ACTR3C: variants seen among roughly 807,000 people sequenced by gnomAD.
The protein encoded by ACTR3C is actin-related protein 3C.
A neutral mutation model predicts 26.3 loss-of-function variants in ACTR3C; 18 were observed. The observed-to-expected ratio is 0.68, with a 90% CI of 0.47 to 1.01. The LOEUF (loss-of-function observed/expected upper bound fraction) is 1.01, where lower values mean the gene tolerates loss of function less well. Among genes scored for constraint, ACTR3C ranks in the 50% least tolerant of loss-of-function variants. The probability of loss-of-function intolerance (pLI) is 0.00; values close to 1 mark genes in which losing one functional copy is unlikely to be tolerated. For missense variants in ACTR3C, 184 were observed against 250.7 expected (o/e 0.73, Z 1.80); for synonymous variants, 55 against 94.5 (o/e 0.58, Z 2.42).
the ACTR3C span, among the ~76,000 whole-genome samples, chr7:149,924,070 G>C: frequency 0.45 from 68,300 of 150,668 alleles, 16,302 homozygotes; most frequent in Non-Finnish European, 0.53. Flanking sequence ...ATTAAACTCA[G>C]AACTTATAAA....
At chr7:150,247,715 TG>T (rs1255998589) in intron 7 of ACTR3C, 146 bp from the exon 8 acceptor site, 22 of 143,490 alleles carry the variant, frequency 1.5e-4, no homozygotes, top group Admixed American at 1.4e-3. Flanking sequence ...CGGGGCCTGG[TG>T]GGGGTGTTTA....
At chr7:150,163,786 G>A in the ACTR3C span, among the ~76,000 whole-genome samples, 2 of 152,080 alleles carry the variant, frequency 1.3e-5, no homozygotes, top group Non-Finnish European at 2.9e-5. Flanking sequence ...GCAGAAAGGG[G>A]TGAATTCTTT....
At chr7:150,014,687 C>T in the ACTR3C span, among the ~76,000 whole-genome samples, 6 of 152,102 alleles carry the variant, frequency 3.9e-5, no homozygotes, top group Non-Finnish European at 8.8e-5. Flanking sequence ...GGTCCACAGG[C>T]GGTTGTTACC....
At chr7:150,085,876 G>A in the ACTR3C span, among the ~76,000 whole-genome samples, 6 of 152,070 alleles carry the variant, frequency 3.9e-5, no homozygotes, top group African/African-American at 1.2e-4. Context: ...TGTGAAGGGA[G>A]GCTTTGTTTT....
At chr7:150,064,434 G>T in the ACTR3C span, among the ~76,000 whole-genome samples, 1 of 144,570 alleles carries the variant, frequency 6.9e-6, no homozygotes, top group East Asian at 2.0e-4. Context: ...GCGTGGTGGT[G>T]GGCACCTGTA....
chr7:149,968,208 C>A, the ACTR3C span, among the ~76,000 whole-genome samples: 20 of 152,190 alleles, frequency 1.3e-4, no homozygotes, highest in Non-Finnish European at 2.5e-4. Flanking sequence ...TCAGATGAGA[C>A]AACTTACTTT....
chr7:149,903,903 GGTT>G, the ACTR3C span, among the ~76,000 whole-genome samples: 3,606 of 49,600 alleles, frequency 0.073, 297 homozygotes, highest in African/African-American at 0.22. Context: ...TGTTGTTGCT[GGTT>G]GTTGTTGTTG....
At chr7:150,312,260 A>C (rs1023673453) in intron 1 of ACTR3C, among the ~76,000 whole-genome samples, 3 of 152,238 alleles carry the variant, frequency 2.0e-5, no homozygotes, top group Admixed American at 2.0e-4. Context: ...AGAGGTTCTT[A>C]GACCATGGAA....
chr7:150,040,826 G>A, the ACTR3C span, among the ~76,000 whole-genome samples: 1 of 147,578 alleles, frequency 6.8e-6, no homozygotes, highest in South Asian at 2.2e-4. Context: ...CCTGTGATGG[G>A]GGTCACAAGA....
intron 6 of ACTR3C, among the ~76,000 whole-genome samples, chr7:150,280,818 GTATA>G (rs1175868519): frequency 7.1e-6 from 1 of 140,962 alleles, no homozygotes; most frequent in African/African-American, 2.9e-5. Context: ...GTGTGTGTGT[GTATA>G]TATATATACA....
At chr7:150,199,145 C>T in the ACTR3C span, among the ~76,000 whole-genome samples, 5 of 149,526 alleles carry the variant, frequency 3.3e-5, no homozygotes, top group Admixed American at 2.0e-4. Context: ...ATGACAATGG[C>T]GGCTTTGTGG....
downstream of ACTR3C, among the ~76,000 whole-genome samples, chr7:150,242,712 T>G (rs1217189204): frequency 6.6e-6 from 1 of 152,216 alleles, no homozygotes; most frequent in Non-Finnish European, 1.5e-5. Flanking sequence ...AATTCCAAGA[T>G]ACTTTTTGCC....
chr7:150,026,155 C>A, the ACTR3C span, among the ~76,000 whole-genome samples: 1 of 151,924 alleles, frequency 6.6e-6, no homozygotes, highest in Non-Finnish European at 1.5e-5. Context: ...AAATAAATCC[C>A]AATGGTCAAA....
chr7:150,124,202 T>A, the ACTR3C span, among the ~76,000 whole-genome samples: 1 of 152,226 alleles, frequency 6.6e-6, no homozygotes, highest in Non-Finnish European at 1.5e-5. Flanking sequence ...CAACATCAGA[T>A]CTTTTACTTT....
the ACTR3C span, among the ~76,000 whole-genome samples, chr7:150,063,909 G>A: frequency 6.6e-6 from 1 of 152,036 alleles, no homozygotes; most frequent in Non-Finnish European, 1.5e-5. Context: ...ATACGCAGTT[G>A]TTTTTCCATG....
the ACTR3C span, among the ~76,000 whole-genome samples, chr7:150,200,827 T>C: frequency 1.3e-5 from 2 of 152,258 alleles, no homozygotes; most frequent in Non-Finnish European, 2.9e-5. Context: ...TAAAATATTA[T>C]ATGTTTCTGG....
chr7:150,186,987 A>G, the ACTR3C span, among the ~76,000 whole-genome samples: 1 of 152,160 alleles, frequency 6.6e-6, no homozygotes, highest in Non-Finnish European at 1.5e-5. Context: ...CAGGCATTGT[A>G]CTTTATGTAC....
chr7:150,286,810 T>C (rs1454614597), intron 4 of ACTR3C, among the ~76,000 whole-genome samples: 1 of 151,602 alleles, frequency 6.6e-6, no homozygotes, highest in Admixed American at 6.6e-5. Flanking sequence ...ATCGCTATCA[T>C]ATCTGAAATG....
the ACTR3C span, among the ~76,000 whole-genome samples, chr7:149,983,218 T>G: frequency 2.6e-5 from 4 of 151,902 alleles, no homozygotes; most frequent in African/African-American, 9.7e-5. Context: ...AGGCAATGAC[T>G]TCTTGGATAT....
Sources: allele counts gnomAD v4.1 joint callset (sites outside exome capture counted in the v4.1 genomes callset), GRCh38; gene constraint gnomAD v4.1.1; transcripts MANE v1.5; gene names NCBI Gene and HGNC (gene_info 2026-07-23, HGNC 2026-07-21).